The following NUP58 variants were observed in gnomAD, a reference collection of about 807,000 sequenced individuals.
The protein encoded by NUP58 is nucleoporin 58.
NUP58 carries 17 observed loss-of-function variants against 70.1 expected under a neutral mutation model. That is an observed-to-expected ratio of 0.24 (90% confidence interval 0.17 to 0.36). The LOEUF is 0.36. Ranked by LOEUF, NUP58 falls within the 10% of genes least tolerant of loss-of-function variation. The probability of loss-of-function intolerance (pLI) is 1.00; values close to 1 mark genes in which losing one functional copy is unlikely to be tolerated. For missense variants in NUP58, 644 were observed against 701.5 expected (o/e 0.92, Z 0.93); for synonymous variants, 275 against 257.6 (o/e 1.07, Z -0.65).
intron 14 of NUP58, among the ~76,000 whole-genome samples, chr13:25,338,250 G>A (rs2031851956): frequency 6.6e-6 from 1 of 152,100 alleles, no homozygotes; most frequent in Non-Finnish European, 1.5e-5. Context: ...TGCATGTCAT[G>A]CTTATTAATG....
intron 14 of NUP58, among the ~76,000 whole-genome samples, chr13:25,337,856 T>C (rs957715860): frequency 2.6e-5 from 4 of 152,150 alleles, no homozygotes; most frequent in Admixed American, 1.3e-4. Context: ...GCAATGATAC[T>C]GTCACACTCA....
rs369092607 is a variant in NUP58 at position 25,305,147 on chromosome 13, T to TGTTTGTTTG, written c.108-2659_108-2658insGTTTGTTTG. On this transcript the variant is annotated intron_variant, in intron 1 of 15. Transcript: ENST00000381736. ...TCTGTGGGGTTTTTTTTTTTTTTTT[T>TGTTTGTTTG]TTTTTTTTTTTTTTGAGACAGGGCC... Among the ~76,000 whole-genome samples the TGTTTGTTTG allele has an allele frequency of 2.7e-4, 34 of 125,812 alleles. 1 individual carries two copies. The highest frequency in any genetic ancestry group is 1.2e-3 in the Admixed American group (14 of 11,862). The allele number at this position is 125,812 out of a possible 152,430, so 82.5% of individuals were successfully genotyped here. A position where few individuals can be genotyped will look rare whatever the true frequency, so the allele number is the denominator to read the frequency against.
intron 2 of NUP58, 66 bp from the exon 3 acceptor site, chr13:25,309,181 G>T (rs1180160324): frequency 6.5e-6 from 8 of 1,227,674 alleles, no homozygotes; most frequent in South Asian, 6.1e-5. Context: ...TTTCCCTTAT[G>T]ACAGGTAAAC....
In NUP58 at chr13:25,340,218, G is replaced by A; in HGVS notation, c.*84G>A. Reference sequence around the variant, plus strand: ...TTTCTAATGATGCAGTAATTAAATTGCATCCCAGGAGATTTATAAAGTTTT... The same window carrying A: ...TTTCTAATGATGCAGTAATTAAATTACATCCCAGGAGATTTATAAAGTTTT... On this transcript the variant is annotated 3_prime_UTR_variant, in exon 16 of 16. Transcript: ENST00000381736. 8.2e-7 allele frequency: 1 copy of A among 1,213,658 alleles called. No individual in the cohort carries two copies. Among genetic ancestry groups the A allele is most frequent in the Non-Finnish European group, 1.1e-6 (1 of 912,746 alleles). 75.2% of individuals were successfully genotyped at this position (1,213,658 alleles called of 1,614,324 possible).
rs955517156 is a variant in NUP58, at chr13:25,307,937, G to A, written c.239G>A (p.Gly80Glu). 1.2e-6 allele frequency: 2 copies of A among 1,613,746 alleles called. No homozygotes were observed. Among genetic ancestry groups the A allele is most frequent in the Non-Finnish European group, 1.7e-6 (2 of 1,179,876 alleles). Residue 80 changes from glycine (G) to glutamate (E), a missense_variant, in exon 2 of 16, where the codon GGA becomes GAA. Around this residue, in one of 4 missense-constraint regions of NUP58, gnomAD observed 430 missense variants for 409.2 expected, o/e 1.05. Transcript: ENST00000381736. ...CCTGCCACTGGGTTCACTCTAGGAGGAACAAATACAGGTGAGGAGGATCTG... is the reference window on the plus strand; with the variant it reads ...CCTGCCACTGGGTTCACTCTAGGAGAAACAAATACAGGTGAGGAGGATCTG... ...SKPATGFTLGGTNTGIATTIT... is the reference protein window; with the variant it reads ...SKPATGFTLGETNTGIATTIT...
At chr13:25,322,813 A>G (rs552256727) in intron 9 of NUP58, among the ~76,000 whole-genome samples, 2 of 152,256 alleles carry the variant, frequency 1.3e-5, no homozygotes, top group Admixed American at 6.5e-5. Flanking sequence ...ACTCTTCCTA[A>G]TCATCACCTA....
rs530004504 is a variant in NUP58 at position 25,309,285 on chromosome 13, A to G, written c.286+3A>G. On this transcript the variant is annotated splice_donor_region_variant and intron_variant, in intron 3 of 15. Coordinates refer to ENST00000381736, the MANE Select transcript of NUP58 (RefSeq NM_014089.4). ...TATAACTACAGGATTAACTCTGGGT[A>G]AGAATTTTTGAGGAAAGATCCCAGC... 1.2e-6 allele frequency: 2 copies of G among 1,604,494 alleles called. No individual in the cohort carries two copies. The highest frequency in any genetic ancestry group is 2.2e-5 in the South Asian group (2 of 90,420).
chr13:25,310,351 G>T (rs1227018582), intron 3 of NUP58, among the ~76,000 whole-genome samples: 1 of 151,076 alleles, frequency 6.6e-6, no homozygotes, highest in Non-Finnish European at 1.5e-5. Context: ...TTCCTGAGTA[G>T]CTGGGATTAC....
chr13:25,333,570 C>G, intron 13 of NUP58: 1 of 985,334 alleles, frequency 1.0e-6, no homozygotes, highest in Non-Finnish European at 1.2e-6. Flanking sequence ...ACAGTGATAA[C>G]AATTTTACAT....
intron 8 of NUP58, 97 bp from the exon 9 acceptor site, chr13:25,320,822 T>G (rs1178348972): frequency 4.6e-6 from 4 of 862,186 alleles, no homozygotes; most frequent in Middle Eastern, 3.6e-4. Context: ...TTTAGTTTTG[T>G]ATTTTAAAAC....
rs2137845147 is a variant in NUP58 at position 25,341,118 on chromosome 13, A to T, written c.*984A>T. The T allele has an allele frequency of 6.6e-6, 1 of 152,306 alleles. No homozygotes were observed. Among genetic ancestry groups the T allele is most frequent in the African/African-American group, 2.4e-5 (1 of 41,556 alleles). 9.4% of individuals were successfully genotyped at this position (152,306 alleles called of 1,614,324 possible). ...TATTGAAATGGTTACTGGCGTAAAT[A>T]CTTGGCCAACTCAACTTTATTGCCC... On this transcript the variant is annotated 3_prime_UTR_variant, in exon 16 of 16. Transcript: ENST00000381736.
chr13:25,317,269 C>CT (rs1019097936), intron 6 of NUP58, among the ~76,000 whole-genome samples: 2 of 143,906 alleles, frequency 1.4e-5, no homozygotes. Context: ...TCATGGAGTC[C>CT]TTATTTGCCA....
At chr13:25,337,681 A>C (rs979420356) in intron 14 of NUP58, among the ~76,000 whole-genome samples, 4 of 152,184 alleles carry the variant, frequency 2.6e-5, no homozygotes, top group African/African-American at 7.2e-5. Flanking sequence ...TAATGTAATG[A>C]ATAAGTTGCC....
rs747953224 is a variant in NUP58 at position 25,301,768 on chromosome 13, C to G, written c.-6C>G. ...CCTTGCTGACGGCGTCGAGCCCTGG[C>G]CAGACATGTCCACAGGGTTCTCCTT... On this transcript the variant is annotated 5_prime_UTR_variant, in exon 1 of 16. Transcript: ENST00000381736. The G allele has an allele frequency of 3.1e-6, 5 of 1,601,904 alleles. No individual in the cohort carries two copies. Among genetic ancestry groups the G allele is most frequent in the Non-Finnish European group, 4.3e-6 (5 of 1,171,938 alleles).
chr13:25,323,265 C>G (rs1234263739), intron 9 of NUP58, among the ~76,000 whole-genome samples: 1 of 151,990 alleles, frequency 6.6e-6, no homozygotes, highest in Non-Finnish European at 1.5e-5. Flanking sequence ...TTAATGCATG[C>G]TGGGCTTAAT....
intron 13 of NUP58, chr13:25,336,331 T>C: frequency 1.8e-6 from 2 of 1,087,680 alleles, no homozygotes; most frequent in South Asian, 2.5e-5. Context: ...AACAATAAAT[T>C]TAATAAAATA....
chr13:25,332,809 A>AAGTC (rs2031657004), intron 13 of NUP58: 1 of 985,292 alleles, frequency 1.0e-6, no homozygotes, highest in South Asian at 4.7e-5. Context: ...TGGAGGGAAA[A>AAGTC]AGTCATTATG....
intron 1 of NUP58, 131 bp from the exon 2 acceptor site, chr13:25,307,675 T>C: frequency 1.3e-6 from 1 of 777,462 alleles, no homozygotes; most frequent in South Asian, 2.1e-5. Context: ...CCTATGACAA[T>C]GTATTAGATA....
Position 25,335,478 on chromosome 13 carries a change from A to G in NUP58, c.1436-1458A>G, listed in dbSNP as rs184699614. On this transcript the variant is annotated intron_variant, in intron 13 of 15. Transcript: ENST00000381736. ...TGTTTTTTGTTAGGAATCAGAAAGTATAATAATATGCTTGGTTTCTTTTTC... is the reference window on the plus strand; with the variant it reads ...TGTTTTTTGTTAGGAATCAGAAAGTGTAATAATATGCTTGGTTTCTTTTTC... 60 of 985,132 alleles carry G rather than the reference A, an allele frequency of 6.1e-5. No individual in the cohort carries two copies. In the Admixed American group the frequency reaches 6.8e-4, roughly 11 times the overall value. 61.0% of individuals were successfully genotyped at this position (985,132 alleles called of 1,614,324 possible). A position where few individuals can be genotyped will look rare whatever the true frequency, so the allele number is the denominator to read the frequency against.
Sources: allele counts gnomAD v4.1 joint callset (sites outside exome capture counted in the v4.1 genomes callset), GRCh38; gene constraint gnomAD v4.1.1; regional missense constraint gnomAD v4.1.1; transcripts MANE v1.5; gene names NCBI Gene and HGNC (gene_info 2026-07-23, HGNC 2026-07-21).